SLC25A26: variants seen among roughly 807,000 people sequenced by gnomAD.
SLC25A26 encodes the protein solute carrier family 25 member 26.
In SLC25A26, 36 loss-of-function variants were observed where a neutral mutation model predicts 37.8. The observed-to-expected ratio is 0.95, with a 90% confidence interval of 0.73 to 1.26. The LOEUF (loss-of-function observed/expected upper bound fraction) is 1.26, where lower values mean the gene tolerates loss of function less well. Among genes scored for constraint, SLC25A26 ranks in the 50% most tolerant of loss-of-function variants. SLC25A26 has a pLI of 0.00. For synonymous variants in SLC25A26, 129 were observed against 122.5 expected (o/e 1.05, Z -0.35); for missense variants, 390 against 331.1 (o/e 1.18, Z -1.38).
intron 5 of SLC25A26, among the ~76,000 whole-genome samples, chr3:66,320,285 A>G (rs905168497): frequency 1.3e-5 from 2 of 152,052 alleles, no homozygotes; most frequent in Non-Finnish European, 2.9e-5. Context: ...CCCAGCCCCT[A>G]GTAACTTCTA....
chr3:66,254,862 T>C (rs1271048346), intron 3 of SLC25A26, among the ~76,000 whole-genome samples: 2 of 152,238 alleles, frequency 1.3e-5, no homozygotes, highest in Admixed American at 6.5e-5. Flanking sequence ...TGAACTATGT[T>C]GAAATAGTTG....
chr3:66,314,909 A>G (rs568206742), intron 5 of SLC25A26, among the ~76,000 whole-genome samples: 139 of 151,604 alleles, frequency 9.2e-4, no homozygotes, highest in African/African-American at 3.1e-3. Flanking sequence ...GTTTGTTTGC[A>G]TTGAGGTGTT....
intron 6 of SLC25A26, among the ~76,000 whole-genome samples, chr3:66,351,831 TC>T (rs2076460303): frequency 6.6e-6 from 1 of 152,194 alleles, no homozygotes; most frequent in African/African-American, 2.4e-5. Context: ...AGTTCACTGT[TC>T]TAGTTCAAGC....
intron 5 of SLC25A26, among the ~76,000 whole-genome samples, chr3:66,334,658 CTCTTGCT>C (rs972963926): frequency 2.0e-5 from 3 of 152,106 alleles, no homozygotes; most frequent in African/African-American, 7.2e-5. Context: ...TCTGTCATCC[CTCTTGCT>C]TCTGCCTTTT....
intron 5 of SLC25A26, among the ~76,000 whole-genome samples, chr3:66,310,419 A>C (rs1377990371): frequency 6.6e-6 from 1 of 152,146 alleles, no homozygotes; most frequent in African/African-American, 2.4e-5. Context: ...GGTCTCCTGA[A>C]TACAGCACGC....
At chr3:66,257,747 A>G (rs1383412569) in intron 3 of SLC25A26, among the ~76,000 whole-genome samples, 1 of 152,096 alleles carries the variant, frequency 6.6e-6, no homozygotes, top group Non-Finnish European at 1.5e-5. Context: ...TGGCCCTCTT[A>G]ACTCTGAATC....
intron 5 of SLC25A26, among the ~76,000 whole-genome samples, chr3:66,332,912 G>T (rs1265614182): frequency 6.6e-6 from 1 of 152,088 alleles, no homozygotes; most frequent in African/African-American, 2.4e-5. Flanking sequence ...ACATATGTGG[G>T]TGGTGTATTT....
At chr3:66,319,744 C>CTTT (rs71105981) in intron 5 of SLC25A26, among the ~76,000 whole-genome samples, 3,369 of 92,076 alleles carry the variant, frequency 0.037, 365 homozygotes, top group Non-Finnish European at 0.043. Context: ...GCAATTAAAT[C>CTTT]TTTTTTTTTT....
chr3:66,289,362 A>T (rs1187104479), intron 5 of SLC25A26, among the ~76,000 whole-genome samples: 3 of 152,030 alleles, frequency 2.0e-5, no homozygotes, highest in Non-Finnish European at 4.4e-5. Context: ...CTTTGTTGCC[A>T]TTGCTTTTGG....
At chr3:66,231,763 ATT>A (rs377239684) in intron 1 of SLC25A26, among the ~76,000 whole-genome samples, 2 of 137,884 alleles carry the variant, frequency 1.5e-5, no homozygotes. Context: ...GGTTTACCTC[ATT>A]TTTTTTTTTT....
intron 3 of SLC25A26, among the ~76,000 whole-genome samples, chr3:66,260,833 C>A (rs1352951385): frequency 6.6e-6 from 1 of 152,188 alleles, no homozygotes; most frequent in Non-Finnish European, 1.5e-5. Flanking sequence ...CATAGTTGAA[C>A]AATTGTGACA....
intron 5 of SLC25A26, among the ~76,000 whole-genome samples, chr3:66,310,130 G>T (rs1014516559): frequency 1.3e-5 from 2 of 152,206 alleles, no homozygotes; most frequent in African/African-American, 4.8e-5. Context: ...TTGTGTGGAA[G>T]TCTAAGTTTC....
At chr3:66,259,031 C>A (rs1005347933) in intron 3 of SLC25A26, among the ~76,000 whole-genome samples, 2 of 152,108 alleles carry the variant, frequency 1.3e-5, no homozygotes, top group Non-Finnish European at 2.9e-5. Flanking sequence ...GACCCCTGGA[C>A]GGGAGTGTTT....
chr3:66,340,085 T>C (rs1422001375), intron 5 of SLC25A26, among the ~76,000 whole-genome samples: 1 of 152,082 alleles, frequency 6.6e-6, no homozygotes, highest in Non-Finnish European at 1.5e-5. Flanking sequence ...CATCCATTTT[T>C]CCCAATATCG....
intron 5 of SLC25A26, among the ~76,000 whole-genome samples, chr3:66,312,443 C>G (rs2075407164): frequency 6.6e-6 from 1 of 151,456 alleles, no homozygotes; most frequent in South Asian, 2.1e-4. Flanking sequence ...GCCTACTGGG[C>G]AAGATCACTT....
At chr3:66,304,661 A>G (rs530743714) in intron 5 of SLC25A26, 26 of 277,902 alleles carry the variant, frequency 9.4e-5, no homozygotes, top group South Asian at 7.8e-4. Flanking sequence ...TCACTAATAC[A>G]TTCTTTAAAA....
chr3:66,280,617 T>G (rs935223137), intron 5 of SLC25A26, among the ~76,000 whole-genome samples: 1 of 152,220 alleles, frequency 6.6e-6, no homozygotes, highest in African/African-American at 2.4e-5. Flanking sequence ...TCCTTTCTAC[T>G]CTTTGAGGTA....
chr3:66,187,438 A>G (rs2070850235), intron 1 of SLC25A26, among the ~76,000 whole-genome samples: 1 of 151,986 alleles, frequency 6.6e-6, no homozygotes, highest in Non-Finnish European at 1.5e-5. Context: ...TTTGGCCATC[A>G]CCCTGCATAT....
chr3:66,221,642 T>C (rs1404082246), intron 1 of SLC25A26, among the ~76,000 whole-genome samples: 3 of 151,968 alleles, frequency 2.0e-5, no homozygotes, highest in Non-Finnish European at 2.9e-5. Flanking sequence ...TGGAGAAATA[T>C]TGGTGAGCAC....
Sources: allele counts gnomAD v4.1 joint callset (sites outside exome capture counted in the v4.1 genomes callset), GRCh38; gene constraint gnomAD v4.1.1; transcripts MANE v1.5; gene names NCBI Gene and HGNC (gene_info 2026-07-23, HGNC 2026-07-21).